Variants in CDH4 observed in about 807,000 individuals in gnomAD.
The protein encoded by CDH4 is cadherin-4.
In CDH4, 33 loss-of-function variants were observed where a neutral mutation model predicts 86.0. That is an observed-to-expected ratio of 0.38 (90% CI 0.29 to 0.51). CDH4 has a LOEUF of 0.51. Among genes scored for constraint, CDH4 ranks in the 20% least tolerant of loss-of-function variants. The probability of loss-of-function intolerance (pLI) is 0.86; values close to 1 mark genes in which losing one functional copy is unlikely to be tolerated. For synonymous variants in CDH4, 555 were observed against 549.4 expected (o/e 1.01, Z -0.14); for missense variants, 1,114 against 1,307.4 (o/e 0.85, Z 2.28).
At chr20:61,691,060 G>C (rs1221543523) in intron 2 of CDH4, among the ~76,000 whole-genome samples, 1 of 152,154 alleles carries the variant, frequency 6.6e-6, no homozygotes, top group Non-Finnish European at 1.5e-5. Flanking sequence ...CCTTCTGAGA[G>C]TGATGCCACC....
At chr20:61,328,279 G>A (rs199795624) in intron 2 of CDH4, among the ~76,000 whole-genome samples, 2 of 152,088 alleles carry the variant, frequency 1.3e-5, no homozygotes, top group African/African-American at 4.8e-5. Flanking sequence ...GGGTTCAAGC[G>A]ATTCTCCTGC....
chr20:61,492,167 C>CGATATTGTTGATATTGGTGGTGTT lies in CDH4; in HGVS notation c.169+237282_169+237305dup, dbSNP rs1286042100. Among the ~76,000 whole-genome samples, 6 of 129,518 alleles carry CGATATTGTTGATATTGGTGGTGTT rather than the reference C, an allele frequency of 4.6e-5. No homozygotes were observed. The East Asian group carries it at 7.1e-4, about 15-fold the overall frequency. The allele number at this position is 129,518 out of a possible 152,430, so 85.0% of individuals were successfully genotyped here. The stretch of plus-strand genomic sequence containing the variant: ...TCGATATTGCTGATGTTGTTGGTGT[C>CGATATTGTTGATATTGGTGGTGTT]GATATTGTTGATATTGGTGGTGTTG... On this transcript the variant is annotated intron_variant, in intron 2 of 15. Transcript: ENST00000614565.
At position 61,743,761 on chromosome 20, in the gene CDH4, A is replaced by G. The variant is rs757506706; in HGVS notation, c.368A>G (p.Gln123Arg). 29 of 1,607,516 alleles carry G rather than the reference A, an allele frequency of 1.8e-5. 1 individual carries two copies. The South Asian group carries it at 3.2e-4, about 18-fold the overall frequency. ...WDAVVRLLVA[Q>R]TSSPHSGHKP... ...GCCGTGGTGCGGTTGCTGGTGGCCC[A>G]GACCTCGTCCCCGCACTCTGGACAC... is the stretch of plus-strand genomic sequence containing the variant. The change falls in exon 3 of 16, where the codon CAG becomes CGG. Residue 123 changes from glutamine to arginine, a missense_variant. Around this residue, in one of 3 missense-constraint regions of CDH4, gnomAD observed 221 missense variants for 209.5 expected, o/e 1.05. Coordinates refer to ENST00000614565, the MANE Select transcript of CDH4 (RefSeq NM_001794.5).
chr20:61,568,769 G>C (rs553231676), intron 2 of CDH4, among the ~76,000 whole-genome samples: 1 of 152,262 alleles, frequency 6.6e-6, no homozygotes, highest in South Asian at 2.1e-4. Flanking sequence ...CCTTAGGCTT[G>C]AGCTGTGCTC....
At chr20:61,297,510 C>T (rs184813902) in intron 2 of CDH4, among the ~76,000 whole-genome samples, 13 of 152,382 alleles carry the variant, frequency 8.5e-5, no homozygotes, top group Admixed American at 5.2e-4. Context: ...ATCTCAGAGG[C>T]GAATCCCCAT....
In CDH4 at chr20:61,860,080, T is replaced by C. The variant is rs746163434; in HGVS notation, c.877+7182T>C. ...GGGGAAGGTCAGGGGCAGGCGTCTA[T>C]GTGGCTCCCGGCAGTGACGCTGTCA... is the stretch of plus-strand genomic sequence containing the variant. On this transcript the variant is annotated intron_variant, in intron 6 of 15. Transcript: ENST00000614565. Among the ~76,000 whole-genome samples, 21 of 152,380 alleles carry C rather than the reference T, an allele frequency of 1.4e-4. No individual in the cohort carries two copies. In the Middle Eastern group the frequency reaches 0.01, roughly 74 times the overall value.
chr20:61,722,478 G>T (rs1230446098), intron 2 of CDH4, among the ~76,000 whole-genome samples: 4 of 152,200 alleles, frequency 2.6e-5, no homozygotes, highest in Non-Finnish European at 5.9e-5. Flanking sequence ...CTTGGCCAAT[G>T]AAATGGAAGC....
At chr20:61,331,752 C>T (rs779578255) in intron 2 of CDH4, among the ~76,000 whole-genome samples, 1 of 138,724 alleles carries the variant, frequency 7.2e-6, no homozygotes, top group Non-Finnish European at 1.6e-5. Flanking sequence ...GCACTGTCCC[C>T]AGGTCCCCTG....
At chr20:61,258,329 C>CAAAAAAAAAAAAAAAAAA (rs778048684) in intron 2 of CDH4, among the ~76,000 whole-genome samples, 5 of 62,350 alleles carry the variant, frequency 8.0e-5, no homozygotes, top group Admixed American at 2.5e-4. Flanking sequence ...GACTCCGTCT[C>CAAAAAAAAAAAAAAAAAA]AAAAAAAAAA....
intron 2 of CDH4, among the ~76,000 whole-genome samples, chr20:61,263,042 G>A (rs1221976957): frequency 6.6e-6 from 1 of 151,946 alleles, no homozygotes; most frequent in East Asian, 1.9e-4. Context: ...TTTTGAAGAA[G>A]TAATTTCTCC....
intron 2 of CDH4, among the ~76,000 whole-genome samples, chr20:61,515,073 C>T (rs1000614994): frequency 2.6e-5 from 4 of 152,244 alleles, no homozygotes; most frequent in Non-Finnish European, 4.4e-5. Context: ...CTGTCATTCA[C>T]GATCATGTAG....
intron 2 of CDH4, among the ~76,000 whole-genome samples, chr20:61,605,436 TCTCC>T (rs1324008762): frequency 6.6e-6 from 1 of 151,840 alleles, no homozygotes; most frequent in East Asian, 1.9e-4. Context: ...TGTATATCTG[TCTCC>T]CTCTCTCTCT....
At chr20:61,519,232 C>G (rs1010066983) in intron 2 of CDH4, among the ~76,000 whole-genome samples, 9 of 152,214 alleles carry the variant, frequency 5.9e-5, no homozygotes, top group African/African-American at 2.2e-4. Flanking sequence ...ATGATGTGTG[C>G]CTCTGTCTTT....
chr20:61,755,230 A>C (rs1230324307), intron 3 of CDH4, among the ~76,000 whole-genome samples: 1 of 151,250 alleles, frequency 6.6e-6, no homozygotes, highest in African/African-American at 2.4e-5. Context: ...ATACAATGTA[A>C]GATGAGATTT....
intron 13 of CDH4, among the ~76,000 whole-genome samples, chr20:61,932,244 A>C (rs1310992082): frequency 6.6e-6 from 1 of 152,130 alleles, no homozygotes; most frequent in Non-Finnish European, 1.5e-5. Flanking sequence ...TCCCGTCCCC[A>C]GGCGGTGAGA....
intron 2 of CDH4, among the ~76,000 whole-genome samples, chr20:61,693,414 C>T (rs1420019787): frequency 1.3e-5 from 2 of 152,186 alleles, no homozygotes; most frequent in African/African-American, 4.8e-5. Context: ...GATGAAACTG[C>T]ATAGGATCTT....
At position 61,403,671 on chromosome 20, in the gene CDH4, A is replaced by G. The variant is rs527683907; in HGVS notation, c.169+148734A>G. Among the ~76,000 whole-genome samples the G allele has an allele frequency of 2.0e-5, 3 of 152,306 alleles. No homozygotes were observed. In the South Asian group the frequency reaches 6.2e-4, roughly 32 times the overall value. On this transcript the variant is annotated intron_variant, in intron 2 of 15. Transcript: ENST00000614565. The stretch of plus-strand genomic sequence containing the variant: ...TTATTCTCCAGAAGGCCGTGTGCTC[A>G]TGCAGGGCTGTGCTCACCTCTTGTG...
At chr20:61,925,377 G>A (rs571311615) in intron 11 of CDH4, among the ~76,000 whole-genome samples, 2 of 152,288 alleles carry the variant, frequency 1.3e-5, no homozygotes, top group South Asian at 4.1e-4. Flanking sequence ...TTACCAGTGG[G>A]AAAAGACGTG....
At chr20:61,361,022 A>G (rs148073392) in intron 2 of CDH4, among the ~76,000 whole-genome samples, 1 of 152,172 alleles carries the variant, frequency 6.6e-6, no homozygotes, top group African/African-American at 2.4e-5. Context: ...GATGCCCTTC[A>G]AGTTCTGTTA....
Sources: gnomAD v4.1 joint callset for allele counts (sites outside exome capture counted in the v4.1 genomes callset) on GRCh38, gnomAD v4.1.1 for gene constraint, gnomAD v4.1.1 regional missense constraint, MANE v1.5 for transcripts, NCBI Gene and HGNC (gene_info 2026-07-23, HGNC 2026-07-21) for gene names.